The following CKAP5 variants were observed in gnomAD, a reference collection of about 807,000 sequenced individuals.
CKAP5 encodes cytoskeleton associated protein 5.
In CKAP5, 27 loss-of-function variants were observed where a neutral mutation model predicts 232.8. The observed-to-expected ratio is 0.12, with a 90% CI of 0.09 to 0.16. CKAP5 has a LOEUF of 0.16. CKAP5 is among the 10% of genes least tolerant of loss of function. The pLI is 1.00. For synonymous variants in CKAP5, 785 were observed against 841.1 expected, an observed-to-expected ratio of 0.93 and a Z score of 1.16; for missense variants, 1,838 against 2,424.7, an observed-to-expected ratio of 0.76 and a Z score of 5.08.
chr11:46,808,689 T>G (rs1157667261), intron 7 of CKAP5, among the ~76,000 whole-genome samples: 1 of 152,148 alleles, frequency 6.6e-6, no homozygotes, highest in African/African-American at 2.4e-5. Context: ...GCCATAGACG[T>G]TTCATTCTCA....
intron 20 of CKAP5, among the ~76,000 whole-genome samples, chr11:46,779,425 G>T (rs1435236147): frequency 6.6e-6 from 1 of 151,972 alleles, no homozygotes; most frequent in Middle Eastern, 3.2e-3. Context: ...GAGCCACCAA[G>T]CCCGGCCAAA....
chr11:46,760,956 A>G (rs927318928), intron 32 of CKAP5, among the ~76,000 whole-genome samples, 172 bp from the exon 33 acceptor site: 11 of 152,212 alleles, frequency 7.2e-5, no homozygotes, highest in Non-Finnish European at 1.6e-4. Context: ...GAGATATGAA[A>G]GAAGGAGAGG....
rs1219413278 is a variant in CKAP5, at chr11:46,750,628, C to T, written c.5461-17G>A. 1 of 1,594,820 alleles carries T rather than the reference C, an allele frequency of 6.3e-7. No individual in the cohort carries two copies. Among genetic ancestry groups the T allele is most frequent in the African/African-American group, 1.3e-5 (1 of 74,562 alleles). On this transcript the variant is annotated splice_polypyrimidine_tract_variant and intron_variant, in intron 40 of 43. Transcript: ENST00000529230. ...TTTTTCATCCTGAAAAGTTGAAAGA[C>T]ATAGGAAGAATTGGTTAGACTTGAG...
rs773194596 is a variant in CKAP5 at position 46,762,717 on chromosome 11, G to A, written c.3937C>T (p.Leu1313=). 1.2e-6 allele frequency: 2 copies of A among 1,613,886 alleles called. No individual in the cohort carries two copies. The highest frequency in any genetic ancestry group is 2.7e-5 in the African/African-American group (2 of 74,926). The change falls in exon 31 of 44, where the codon CTG becomes TTG. Residue 1313 remains leucine (L), a synonymous_variant. Transcript: ENST00000529230. ...DVIRKDVRAI[L]NRMCLVYPAS... ...GGGTAGACAAGGCACATCCGGTTCA[G>A]GATGGCACGAACATCTTTACGAATG...
intron 42 of CKAP5, among the ~76,000 whole-genome samples, chr11:46,748,197 T>C (rs2065036361): frequency 6.6e-6 from 1 of 152,052 alleles, no homozygotes; most frequent in South Asian, 2.1e-4. Flanking sequence ...GGAGAGCCTC[T>C]GGAAAATGTT....
rs1021882402 is a variant in CKAP5 at position 46,816,471 on chromosome 11, G to A, written c.252-67C>T. ...AAGAATTGGAAAAAGGTCACGGAAA[G>A]GGGGTGTACTAGTACTTTTACAAAT... On this transcript the variant is annotated intron_variant, in intron 3 of 43. Coordinates refer to ENST00000529230, the MANE Select transcript of CKAP5 (RefSeq NM_001008938.4). 7 of 1,199,388 alleles carry A rather than the reference G, an allele frequency of 5.8e-6. No homozygotes were observed. The South Asian group carries it at 6.2e-5, about 11-fold the overall frequency. 74.3% of individuals were successfully genotyped at this position (1,199,388 alleles called of 1,614,324 possible).
intron 8 of CKAP5, among the ~76,000 whole-genome samples, chr11:46,803,973 T>A (rs1939095608): frequency 6.6e-6 from 1 of 152,192 alleles, no homozygotes; most frequent in Admixed American, 6.5e-5. Flanking sequence ...AAGATCCCAT[T>A]CCAACAAATT....
At position 46,839,554 on chromosome 11, in the gene CKAP5, G is replaced by C. The variant is rs1940003063; in HGVS notation, c.-38+6666C>G. On this transcript the variant is annotated intron_variant, in intron 1 of 43. Coordinates refer to ENST00000529230, the MANE Select transcript of CKAP5 (RefSeq NM_001008938.4). ...GTTGTCCATCTTCCATATGGTAAAT[G>C]CCATCTTTCCTCTAAAAACTATCAT... Among the ~76,000 whole-genome samples the C allele has an allele frequency of 2.6e-5, 4 of 152,060 alleles. No individual in the cohort carries two copies. In the South Asian group the frequency reaches 6.2e-4, roughly 24 times the overall value.
chr11:46,785,223 T>C (rs1013372301), intron 16 of CKAP5, among the ~76,000 whole-genome samples: 3 of 152,230 alleles, frequency 2.0e-5, no homozygotes, highest in Non-Finnish European at 2.9e-5. Flanking sequence ...AGGACCCCTT[T>C]GCTCATAAAT....
chr11:46,815,129 C>T (rs1325418928), intron 4 of CKAP5, among the ~76,000 whole-genome samples: 1 of 152,168 alleles, frequency 6.6e-6, no homozygotes, highest in Non-Finnish European at 1.5e-5. Flanking sequence ...TGGGTCACTG[C>T]AACCTCTGCC....
At position 46,753,461 on chromosome 11, in the gene CKAP5, T is replaced by C. The variant is rs2065085354; in HGVS notation, c.4906A>G (p.Thr1636Ala). The stretch of plus-strand genomic sequence containing the variant: ...TGCATTAGGTCTTTTAGTACTCCAG[T>C]GGAGGCCTCCCGGGCAAGGCTCTCT... ...QIESLAREAS[T>A]GVLKDLMHGL... is the part of the protein sequence containing the mutation. Residue 1636 changes from threonine (T) to alanine (A), a missense_variant, in exon 37 of 44, where the codon ACT becomes GCT. Thr to Ala is a moderately conservative substitution (Grantham distance 58). Coordinates refer to ENST00000529230, the MANE Select transcript of CKAP5 (RefSeq NM_001008938.4). 1 of 1,613,388 alleles carries C rather than the reference T, an allele frequency of 6.2e-7. No homozygotes were observed. The highest frequency in any genetic ancestry group is 2.2e-5 in the East Asian group (1 of 44,828).
chr11:46,778,141 A>G lies in CKAP5; in HGVS notation c.2746T>C (p.Leu916=). The change falls in exon 22 of 44, where the codon TTG becomes CTG. Residue 916 remains leucine (L), a splice_region_variant and synonymous_variant. Transcript: ENST00000529230. ...KGRLNDSNKI[L]VQQTLNILQQ... ...GAACAGCCGTATGCTCTACATACCA[A>G]GATTTTATTTGAATCATTGAGTCGA... The G allele has an allele frequency of 6.2e-7, 1 of 1,613,302 alleles. No individual in the cohort carries two copies. The highest frequency in any genetic ancestry group is 8.5e-7 in the Non-Finnish European group (1 of 1,179,628).
intron 35 of CKAP5, among the ~76,000 whole-genome samples, chr11:46,758,569 G>A (rs1307770173): frequency 1.3e-5 from 2 of 152,142 alleles, no homozygotes; most frequent in African/African-American, 4.8e-5. Flanking sequence ...AGTGATGCAA[G>A]CCTGTTGTCC....
intron 4 of CKAP5, among the ~76,000 whole-genome samples, chr11:46,812,194 G>A (rs562752527): frequency 4.6e-5 from 7 of 152,172 alleles, no homozygotes; most frequent in African/African-American, 1.4e-4. Flanking sequence ...AGCCAGGCAC[G>A]ATAGTGGGCG....
chr11:46,842,832 T>C (rs1940087175), intron 1 of CKAP5, among the ~76,000 whole-genome samples: 1 of 151,698 alleles, frequency 6.6e-6, no homozygotes. Context: ...CCGGGCTTGG[T>C]AGCGGGCGCC....
intron 40 of CKAP5, among the ~76,000 whole-genome samples, 169 bp from the exon 41 acceptor site, chr11:46,750,780 CTG>C (rs2065058172): frequency 6.6e-6 from 1 of 152,230 alleles, no homozygotes; most frequent in Admixed American, 6.5e-5. Context: ...CACTAACATT[CTG>C]TGTTACTGAA....
At chr11:46,800,000 CA>C (rs879669675) in intron 9 of CKAP5, among the ~76,000 whole-genome samples, 27 of 123,876 alleles carry the variant, frequency 2.2e-4, no homozygotes, top group South Asian at 2.6e-4. Flanking sequence ...GACCCTGTCT[CA>C]AAAAAAAAAA....
intron 22 of CKAP5, among the ~76,000 whole-genome samples, chr11:46,777,923 C>A (rs1210295559): frequency 1.3e-5 from 2 of 152,094 alleles, no homozygotes; most frequent in African/African-American, 4.8e-5. Flanking sequence ...TGGATTCCTG[C>A]AAAAAGCAAA....
intron 13 of CKAP5, among the ~76,000 whole-genome samples, chr11:46,794,494 A>T (rs575414255): frequency 2.8e-5 from 3 of 106,542 alleles, no homozygotes; most frequent in South Asian, 3.9e-4. Flanking sequence ...TTGAGTAGAT[A>T]TTTTTTTCCA....
Sources: allele counts gnomAD v4.1 joint callset (sites outside exome capture counted in the v4.1 genomes callset), GRCh38; gene constraint gnomAD v4.1.1; transcripts MANE v1.5; gene names NCBI Gene and HGNC (gene_info 2026-07-23, HGNC 2026-07-21).